Variants in PDE10A observed in about 807,000 individuals in gnomAD.
PDE10A encodes cAMP and cAMP-inhibited cGMP 3',5'-cyclic phosphodiesterase 10A.
Under a neutral mutation model 97.7 loss-of-function variants are expected in PDE10A, and 39 were observed. The ratio of observed to expected loss-of-function variants is 0.40; its 90% confidence interval spans 0.31 to 0.52. The LOEUF (loss-of-function observed/expected upper bound fraction) is 0.52, where lower values mean the gene tolerates loss of function less well. Among genes scored for constraint, PDE10A ranks in the 20% least tolerant of loss-of-function variants. The pLI is 0.56. For missense variants in PDE10A, 731 were observed against 1,047.8 expected, an observed-to-expected ratio of 0.70 and a Z score of 4.17; for synonymous variants, 371 against 376.8, an observed-to-expected ratio of 0.98 and a Z score of 0.18.
At chr6:165,611,872 A>T (rs964083803) in intron 1 of PDE10A, among the ~76,000 whole-genome samples, 1 of 152,224 alleles carries the variant, frequency 6.6e-6, no homozygotes, top group Non-Finnish European at 1.5e-5. Context: ...AATTTACCAA[A>T]TTCAATTTGA....
intron 2 of PDE10A, among the ~76,000 whole-genome samples, chr6:165,525,191 T>C (rs1583465647): frequency 6.6e-6 from 1 of 152,046 alleles, no homozygotes; most frequent in Non-Finnish European, 1.5e-5. Context: ...ACTTGAACTG[T>C]TTGAGTTATC....
chr6:165,959,477 T>TTA (rs1313297998), intron 1 of PDE10A, among the ~76,000 whole-genome samples: 1 of 152,262 alleles, frequency 6.6e-6, no homozygotes. Context: ...ATGACAAGTA[T>TTA]TATATATCAA....
chr6:165,478,385 T>C, intron 3 of PDE10A, among the ~76,000 whole-genome samples: 1 of 152,040 alleles, frequency 6.6e-6, no homozygotes, highest in East Asian at 1.9e-4. Flanking sequence ...GACCTGAAAA[T>C]CTAGTTCAGG....
chr6:165,832,616 C>T (rs777894755), intron 1 of PDE10A, among the ~76,000 whole-genome samples: 4 of 152,170 alleles, frequency 2.6e-5, no homozygotes, highest in Non-Finnish European at 5.9e-5. Flanking sequence ...CTAAACAACC[C>T]GCAGTATCAG....
At chr6:165,816,980 G>T (rs1363853979) in intron 1 of PDE10A, among the ~76,000 whole-genome samples, 4 of 152,132 alleles carry the variant, frequency 2.6e-5, no homozygotes, top group African/African-American at 9.7e-5. Context: ...AATCCTTCCG[G>T]GTGCAAAGAG....
intron 1 of PDE10A, among the ~76,000 whole-genome samples, chr6:165,887,974 C>T (rs930391326): frequency 3.3e-5 from 5 of 152,188 alleles, no homozygotes; most frequent in African/African-American, 1.2e-4. Flanking sequence ...CACCCTGTTC[C>T]ATTCCCTCTC....
chr6:165,759,785 T>G (rs543666003), intron 1 of PDE10A, among the ~76,000 whole-genome samples: 1 of 152,352 alleles, frequency 6.6e-6, no homozygotes, highest in African/African-American at 2.4e-5. Flanking sequence ...CAAAGTAGTT[T>G]ACAGGGAGGC....
intron 1 of PDE10A, among the ~76,000 whole-genome samples, chr6:165,779,848 T>A (rs993217640): frequency 2.1e-4 from 32 of 152,062 alleles, no homozygotes; most frequent in Non-Finnish European, 1.0e-4. Flanking sequence ...CTCCTCTTCC[T>A]CCTCCTCAGG....
intron 1 of PDE10A, among the ~76,000 whole-genome samples, chr6:165,891,603 G>T (rs1781801187): frequency 6.6e-6 from 1 of 152,248 alleles, no homozygotes; most frequent in Non-Finnish European, 1.5e-5. Context: ...CAGGGGACTA[G>T]ATGGCTGCAG....
intron 1 of PDE10A, among the ~76,000 whole-genome samples, chr6:165,613,609 C>T (rs553896525): frequency 6.6e-6 from 1 of 152,174 alleles, no homozygotes; most frequent in East Asian, 1.9e-4. Context: ...CCACTGCACT[C>T]CACCCCGGGT....
In PDE10A at chr6:165,662,643, C is replaced by T. The variant is rs968677443; in HGVS notation, c.169G>A (p.Gly57Ser). ...GGGGGCGCGGCGCGCTCCGCCCGGC[C>T]ACGGCCAGGCCACTCGGGGGCCGGG... ...PGPAPEWPGR[G>S]RAERAAPPRP... The change falls in exon 1 of 22, where the codon GGC becomes AGC. Residue 57 changes from glycine (G) to serine (S), a missense_variant. This residue lies in a region of PDE10A where 181 missense variants were observed against 159.1 expected (regional missense o/e 1.14). Transcript: ENST00000539869. 2.8e-5 allele frequency: 4 copies of T among 142,062 alleles called. No homozygotes were observed. Among genetic ancestry groups the T allele is most frequent in the Non-Finnish European group, 4.7e-5 (3 of 64,064 alleles). The allele number at this position is 142,062 out of a possible 1,614,324, so 8.8% of individuals were successfully genotyped here. A position where few individuals can be genotyped will look rare whatever the true frequency, so the allele number is the denominator to read the frequency against.
At chr6:165,677,256 A>G (rs188861225) in intron 1 of PDE10A, among the ~76,000 whole-genome samples, 54 of 152,304 alleles carry the variant, frequency 3.5e-4, no homozygotes, top group South Asian at 1.5e-3. Flanking sequence ...AGGAAGAAGA[A>G]ATCTGCTTCC....
At chr6:165,660,344 CGG>C (rs1179161876) in intron 1 of PDE10A, 2 of 152,388 alleles carry the variant, frequency 1.3e-5, no homozygotes, top group Non-Finnish European at 2.9e-5. Context: ...TAGACTGCAG[CGG>C]GGGTGGGAGG....
chr6:165,896,813 C>A (rs6925258), intron 1 of PDE10A, among the ~76,000 whole-genome samples: 1 of 152,038 alleles, frequency 6.6e-6, no homozygotes, highest in East Asian at 1.9e-4. Flanking sequence ...CGTGAGCCAC[C>A]GCACCCAGCC....
chr6:165,906,098 C>G (rs78227857), intron 1 of PDE10A, among the ~76,000 whole-genome samples: 3,948 of 90,018 alleles, frequency 0.044, 180 homozygotes, highest in South Asian at 0.073. Flanking sequence ...CCCTTCCTTT[C>G]TTCCTTTCTT....
chr6:165,955,118 T>C (rs56981982), intron 1 of PDE10A, among the ~76,000 whole-genome samples: 10,331 of 151,342 alleles, frequency 0.068, 434 homozygotes, highest in South Asian at 0.13. Context: ...ATGCCACCAC[T>C]GATCCACACG....
chr6:165,812,869 G>C lies in PDE10A; in HGVS notation c.-615+174660C>G, dbSNP rs574869160. Among the ~76,000 whole-genome samples, 11 of 152,120 alleles carry C rather than the reference G, an allele frequency of 7.2e-5. No homozygotes were observed. The East Asian group carries it at 1.5e-3, about 21-fold the overall frequency. ...TTAAGTAACTTCTCTCCTGTAAATT[G>C]CGAGTCTGTGGTGTGGGAGGGGGAA... On this transcript the variant is annotated intron_variant, in intron 1 of 19. Transcript: ENST00000366882.
At position 165,879,613 on chromosome 6, in the gene PDE10A, C is replaced by T. The variant is rs146668951; in HGVS notation, c.-615+107916G>A. ...GACCCCCTACAGATATCAAAATCCT[C>T]GGATGCTCAAGTCGCTGATGTAAAA... On this transcript the variant is annotated intron_variant, in intron 1 of 19. Transcript: ENST00000366882. Among the ~76,000 whole-genome samples the T allele has an allele frequency of 6.6e-5, 10 of 152,322 alleles. No homozygotes were observed. The East Asian group carries it at 1.7e-3, about 26-fold the overall frequency.
At chr6:165,783,595 C>CAA (rs1260266279) in intron 1 of PDE10A, among the ~76,000 whole-genome samples, 1 of 151,812 alleles carries the variant, frequency 6.6e-6, no homozygotes. Context: ...AAACGAGTCA[C>CAA]ATAGAATGAA....
Sources: allele counts gnomAD v4.1 joint callset (sites outside exome capture counted in the v4.1 genomes callset), GRCh38; gene constraint gnomAD v4.1.1; regional missense constraint gnomAD v4.1.1; transcripts MANE v1.5; gene names NCBI Gene and HGNC (gene_info 2026-07-23, HGNC 2026-07-21).